The following NIPAL2 variants were observed in gnomAD, a reference collection of about 807,000 sequenced individuals.
NIPAL2 encodes NIPA like domain containing 2, also known as NIPA-like protein 2.
Under a neutral mutation model 48.9 loss-of-function variants are expected in NIPAL2, and 43 were observed. The observed-to-expected ratio is 0.88, with a 90% CI of 0.69 to 1.13. NIPAL2 has a LOEUF of 1.13. Among genes scored for constraint, NIPAL2 ranks in the 50% most tolerant of loss-of-function variants. NIPAL2 has a pLI of 0.00. For missense variants in NIPAL2, 446 were observed against 461.4 expected (o/e 0.97, Z 0.31); for synonymous variants, 167 against 174.6 (o/e 0.96, Z 0.34).
At chr8:98,260,872 T>C (rs1389327493) in intron 1 of NIPAL2, among the ~76,000 whole-genome samples, 1 of 151,298 alleles carries the variant, frequency 6.6e-6, no homozygotes, top group Non-Finnish European at 1.5e-5. Flanking sequence ...CAGACTTAAA[T>C]GTCCCTGTCT....
chr8:98,243,029 C>T lies in NIPAL2; in HGVS notation c.377-6815G>A, dbSNP rs187551664. 4.0e-3 allele frequency among the ~76,000 whole-genome samples: 609 copies of T among 152,234 alleles called. 3 individuals carry two copies. The highest frequency in any genetic ancestry group is 7.1e-3 in the Non-Finnish European group (481 of 68,014). On this transcript the variant is annotated intron_variant, in intron 3 of 10. Coordinates refer to ENST00000430223, the MANE Select transcript of NIPAL2 (RefSeq NM_001321635.2). The stretch of plus-strand genomic sequence containing the variant: ...TCTGTAGGAGTCATGGGGGGCAGGG[C>T]GGAGGAAGACAGCAGGAATACTATC...
chr8:98,202,692 T>G (rs570208794), intron 8 of NIPAL2, among the ~76,000 whole-genome samples: 2 of 152,174 alleles, frequency 1.3e-5, no homozygotes, highest in Non-Finnish European at 2.9e-5. Context: ...TGCAGAACCA[T>G]GAGGCAAATA....
At chr8:98,278,972 T>A (rs1815640442) in intron 1 of NIPAL2, among the ~76,000 whole-genome samples, 2 of 152,194 alleles carry the variant, frequency 1.3e-5, no homozygotes, top group Admixed American at 6.5e-5. Context: ...CTAGTGAATT[T>A]GAATTATACT....
At chr8:98,278,793 A>G (rs1010623690) in intron 1 of NIPAL2, among the ~76,000 whole-genome samples, 2 of 152,216 alleles carry the variant, frequency 1.3e-5, no homozygotes, top group East Asian at 3.8e-4. Context: ...GTCTAGAAAT[A>G]GGACATTTTG....
intron 1 of NIPAL2, among the ~76,000 whole-genome samples, chr8:98,257,669 G>T (rs1339777775): frequency 6.6e-6 from 1 of 152,152 alleles, no homozygotes; most frequent in Non-Finnish European, 1.5e-5. Context: ...ATCCAGGAGA[G>T]AATTTACTAA....
chr8:98,278,418 C>T (rs184991649), intron 1 of NIPAL2, among the ~76,000 whole-genome samples: 1 of 152,184 alleles, frequency 6.6e-6, no homozygotes, highest in Admixed American at 6.5e-5. Flanking sequence ...ATATGGAACT[C>T]CTCTTATACA....
intron 5 of NIPAL2, among the ~76,000 whole-genome samples, chr8:98,219,309 A>G (rs971562286): frequency 1.2e-4 from 19 of 152,156 alleles, no homozygotes; most frequent in African/African-American, 4.6e-4. Flanking sequence ...ATGCTGGTGG[A>G]TGGGCAACGG....
intron 1 of NIPAL2, among the ~76,000 whole-genome samples, chr8:98,286,008 G>A (rs1253699244): frequency 1.3e-5 from 2 of 152,172 alleles, no homozygotes; most frequent in African/African-American, 2.4e-5. Flanking sequence ...ACCTTTATGA[G>A]GTGATGAGGT....
Position 98,284,119 on chromosome 8 carries a change from C to T in NIPAL2, c.135+9884G>A, listed in dbSNP as rs193296034. Among the ~76,000 whole-genome samples, 151 of 152,278 alleles carry T rather than the reference C, an allele frequency of 9.9e-4. 1 individual carries two copies. Among genetic ancestry groups the T allele is most frequent in the African/African-American group, 3.6e-3 (148 of 41,558 alleles). ...CATCCTACTGGCATAGCAGCCAGGT[C>T]CCAACACAGCTCATGGTCAATGCTC... On this transcript the variant is annotated intron_variant, in intron 1 of 10. Coordinates refer to ENST00000430223, the MANE Select transcript of NIPAL2 (RefSeq NM_001321635.2).
chr8:98,190,313 TTTTG>T lies in NIPAL2; in HGVS notation c.*2661_*2664del, dbSNP rs546598612. ...TATAGCTCACAGACTGGCCACTTGTTTTTGTTTGTTTGTTTGTTTGTTTGTTTTT... is the reference window on the plus strand; with the variant it reads ...TATAGCTCACAGACTGGCCACTTGTTTTTGTTTGTTTGTTTGTTTGTTTTT... On this transcript the variant is annotated 3_prime_UTR_variant, in exon 11 of 11. Transcript: ENST00000430223. 919 of 166,038 alleles carry T rather than the reference TTTTG, an allele frequency of 5.5e-3. 9 individuals are homozygous for T. Among genetic ancestry groups the T allele is most frequent in the African/African-American group, 0.019 (772 of 41,702 alleles). The allele number at this position is 166,038 out of a possible 1,614,324, so 10.3% of individuals were successfully genotyped here.
At chr8:98,234,213 T>C (rs1442408355) in intron 4 of NIPAL2, among the ~76,000 whole-genome samples, 1 of 152,156 alleles carries the variant, frequency 6.6e-6, no homozygotes, top group African/African-American at 2.4e-5. Flanking sequence ...ACTTCTAAAC[T>C]AAAGACTCAT....
intron 1 of NIPAL2, among the ~76,000 whole-genome samples, chr8:98,266,673 C>T (rs376483830): frequency 6.6e-6 from 1 of 151,544 alleles, no homozygotes; most frequent in Admixed American, 6.6e-5. Context: ...TCAAAGAGGG[C>T]CAGAATTCAC....
chr8:98,204,986 C>T, intron 7 of NIPAL2, 125 bp downstream of exon 7: 1 of 1,017,878 alleles, frequency 9.8e-7, no homozygotes. Context: ...GGACAAGCTA[C>T]AGGCCCTTCA....
At chr8:98,250,153 A>G (rs2130824681) in intron 3 of NIPAL2, among the ~76,000 whole-genome samples, 1 of 152,344 alleles carries the variant, frequency 6.6e-6, no homozygotes, top group East Asian at 1.9e-4. Flanking sequence ...AAAAGATAGA[A>G]GAAAAATCAG....
chr8:98,259,069 C>CTTTTTTTTTTTTTTTTTTTTTT lies in NIPAL2; in HGVS notation c.136-4983_136-4982insAAAAAAAAAAAAAAAAAAAAAA, dbSNP rs1563531576. Among the ~76,000 whole-genome samples, 13 of 89,350 alleles carry CTTTTTTTTTTTTTTTTTTTTTT rather than the reference C, an allele frequency of 1.5e-4. 2 individuals carry two copies. Among genetic ancestry groups the CTTTTTTTTTTTTTTTTTTTTTT allele is most frequent in the African/African-American group, 4.1e-4 (9 of 21,796 alleles). The allele number at this position is 89,350 out of a possible 152,430, so 58.6% of individuals were successfully genotyped here. On this transcript the variant is annotated intron_variant, in intron 1 of 10. Coordinates refer to ENST00000430223, the MANE Select transcript of NIPAL2 (RefSeq NM_001321635.2). Reference sequence around the variant, plus strand: ...TTATGCTGCTGTTCCTTTAAATATTCCTTTTTTTTTTTTTTTTTTTTTTTT... The same window carrying CTTTTTTTTTTTTTTTTTTTTTT: ...TTATGCTGCTGTTCCTTTAAATATTCTTTTTTTTTTTTTTTTTTTTTTCTTTTTTTTTTTTTTTTTTTTTTTT...
At chr8:98,217,774 T>G (rs1811648068) in intron 5 of NIPAL2, among the ~76,000 whole-genome samples, 1 of 152,252 alleles carries the variant, frequency 6.6e-6, no homozygotes, top group Non-Finnish European at 1.5e-5. Flanking sequence ...TTATGCTATG[T>G]TATAAATACC....
chr8:98,209,285 G>T (rs1224845069), intron 6 of NIPAL2, among the ~76,000 whole-genome samples: 1 of 152,010 alleles, frequency 6.6e-6, no homozygotes, highest in African/African-American at 2.4e-5. Flanking sequence ...GCAAATTGTT[G>T]TAAGTGTTAC....
intron 3 of NIPAL2, among the ~76,000 whole-genome samples, chr8:98,241,572 C>T (rs924084680): frequency 6.6e-6 from 1 of 151,906 alleles, no homozygotes; most frequent in Non-Finnish European, 1.5e-5. Flanking sequence ...GAGTCTCAAG[C>T]CTAAAGGTGT....
chr8:98,275,767 A>G (rs1441896772), intron 1 of NIPAL2, among the ~76,000 whole-genome samples: 2 of 152,194 alleles, frequency 1.3e-5, no homozygotes, highest in African/African-American at 4.8e-5. Flanking sequence ...TTCTTGACAT[A>G]AATTGTAAAG....
Sources: allele counts gnomAD v4.1 joint callset (sites outside exome capture counted in the v4.1 genomes callset), GRCh38; gene constraint gnomAD v4.1.1; transcripts MANE v1.5; gene names NCBI Gene and HGNC (gene_info 2026-07-23, HGNC 2026-07-21).